Variants in SAMD3 observed in about 807,000 individuals in gnomAD.
SAMD3 encodes the protein sterile alpha motif domain containing 3, also known as sterile alpha motif domain-containing protein 3.
A neutral mutation model predicts 58.5 loss-of-function variants in SAMD3; 63 were observed. The ratio of observed to expected loss-of-function variants is 1.08; its 90% CI spans 0.88 to 1.33. The LOEUF is 1.33. Ranked by LOEUF, SAMD3 falls within the 40% of genes most tolerant of loss-of-function variation. SAMD3 has a pLI of 0.00. For synonymous variants in SAMD3, 220 were observed against 210.3 expected (o/e 1.05, Z -0.40); for missense variants, 604 against 608.4 (o/e 0.99, Z 0.08).
chr6:130,312,191 C>G (rs2114989707), intron 2 of SAMD3, among the ~76,000 whole-genome samples: 1 of 152,304 alleles, frequency 6.6e-6, no homozygotes, highest in Admixed American at 6.5e-5. Flanking sequence ...TTGGACTGGA[C>G]ACATTTCATG....
intron 1 of SAMD3, among the ~76,000 whole-genome samples, chr6:130,319,989 A>AACACACACAAACATGCAC (rs1776531051): frequency 1.3e-5 from 2 of 151,940 alleles, no homozygotes; most frequent in Admixed American, 1.3e-4. Flanking sequence ...GAAAAAAATA[A>AACACACACAAACATGCAC]ACACACACAC....
chr6:130,144,863 C>A, intron 11 of SAMD3, 59 bp from the exon 12 acceptor site: 1 of 1,420,360 alleles, frequency 7.0e-7, no homozygotes, highest in South Asian at 1.3e-5. Context: ...AATAAAACAT[C>A]TGAACTTAAT....
At chr6:130,356,715 T>C (rs1464616194) in intron 1 of SAMD3, among the ~76,000 whole-genome samples, 1 of 151,958 alleles carries the variant, frequency 6.6e-6, no homozygotes, top group East Asian at 1.9e-4. Flanking sequence ...CTAGTTTTCC[T>C]TTTTTCTCTG....
chr6:130,167,686 G>C (rs952722964), intron 8 of SAMD3, among the ~76,000 whole-genome samples: 1 of 152,118 alleles, frequency 6.6e-6, no homozygotes, highest in Non-Finnish European at 1.5e-5. Context: ...CAATTCATGG[G>C]GCTATACGCT....
intron 5 of SAMD3, among the ~76,000 whole-genome samples, chr6:130,190,829 T>C (rs1267701021): frequency 2.0e-5 from 3 of 152,050 alleles, no homozygotes. Context: ...CAGGTAGAGC[T>C]GGCCAATGGC....
At chr6:130,312,441 C>G (rs1776207225) in intron 2 of SAMD3, among the ~76,000 whole-genome samples, 1 of 152,172 alleles carries the variant, frequency 6.6e-6, no homozygotes, top group Non-Finnish European at 1.5e-5. Context: ...TGTCCCTTAC[C>G]CTTAGAGTCC....
intron 2 of SAMD3, among the ~76,000 whole-genome samples, chr6:130,283,083 G>A (rs1775035642): frequency 6.6e-6 from 1 of 151,910 alleles, no homozygotes; most frequent in Admixed American, 6.6e-5. Context: ...ACAAAAAACG[G>A]CACATTTGAA....
chr6:130,300,986 C>G (rs1429489885), intron 2 of SAMD3, among the ~76,000 whole-genome samples: 1 of 152,080 alleles, frequency 6.6e-6, no homozygotes, highest in African/African-American at 2.4e-5. Context: ...CCACCTCCAA[C>G]CAGCCCCGGT....
intron 2 of SAMD3, among the ~76,000 whole-genome samples, chr6:130,274,060 T>C (rs1158329925): frequency 2.0e-5 from 3 of 152,220 alleles, no homozygotes; most frequent in African/African-American, 7.2e-5. Context: ...TTAGAATTTT[T>C]ATAAAGCAGT....
At chr6:130,168,839 G>C (rs1220108654) in intron 8 of SAMD3, among the ~76,000 whole-genome samples, 1 of 152,096 alleles carries the variant, frequency 6.6e-6, no homozygotes, top group African/African-American at 2.4e-5. Flanking sequence ...GTCTGGCTCT[G>C]TCACCCAGGC....
chr6:130,145,071 C>T lies in SAMD3; in HGVS notation c.1279-267G>A, dbSNP rs571483201. Among the ~76,000 whole-genome samples the T allele has an allele frequency of 3.7e-4, 56 of 152,196 alleles. 1 individual carries two copies. In the South Asian group the frequency reaches 0.011, roughly 31 times the overall value. On this transcript the variant is annotated intron_variant, in intron 11 of 11. Transcript: ENST00000439090. ...GGTCAGGAGTTCCAGACCAGCCTGA[C>T]CAACACCGTGAAACCCCGTCTCTAC...
chr6:130,175,513 G>A (rs1292980640), intron 8 of SAMD3, among the ~76,000 whole-genome samples: 1 of 151,900 alleles, frequency 6.6e-6, no homozygotes, highest in Non-Finnish European at 1.5e-5. Flanking sequence ...GTAGCAATAA[G>A]AGCATCAAGA....
chr6:130,306,606 T>A (rs142097733), intron 2 of SAMD3, among the ~76,000 whole-genome samples: 1 of 152,308 alleles, frequency 6.6e-6, no homozygotes, highest in East Asian at 1.9e-4. Flanking sequence ...CAGTCTCTTG[T>A]CAGTGCCTCA....
chr6:130,365,493 C>G, upstream of SAMD3: 1 of 985,528 alleles, frequency 1.0e-6, no homozygotes, highest in African/African-American at 1.7e-5. Flanking sequence ...GCCCGCCGGG[C>G]GGCATCTGAG....
At chr6:130,204,888 G>T (rs535927674) in intron 5 of SAMD3, among the ~76,000 whole-genome samples, 1 of 151,718 alleles carries the variant, frequency 6.6e-6, no homozygotes, top group South Asian at 2.1e-4. Flanking sequence ...GGTAACAGCT[G>T]CCAGGTGCTT....
chr6:130,288,975 G>A lies in SAMD3; in HGVS notation c.-188+24003C>T, dbSNP rs985399557. Among the ~76,000 whole-genome samples, 43 of 152,094 alleles carry A rather than the reference G, an allele frequency of 2.8e-4. 1 individual carries two copies. Among genetic ancestry groups the A allele is most frequent in the Admixed American group, 2.4e-3 (36 of 15,276 alleles). The stretch of plus-strand genomic sequence containing the variant: ...ATCACCCTTTGGTTAACTTCTATGC[G>A]CCCTTCTATAATCTCTTATTTCATG... On this transcript the variant is annotated intron_variant, in intron 2 of 13. Coordinates refer to the SAMD3 transcript ENST00000368134.
intron 1 of SAMD3, among the ~76,000 whole-genome samples, chr6:130,357,675 C>T (rs1175016290): frequency 6.6e-6 from 1 of 152,160 alleles, no homozygotes; most frequent in Non-Finnish European, 1.5e-5. Context: ...GTTAAACTCT[C>T]GGAGCTCCAA....
chr6:130,192,678 T>C (rs976617299), intron 5 of SAMD3, among the ~76,000 whole-genome samples: 1 of 152,334 alleles, frequency 6.6e-6, no homozygotes, highest in East Asian at 1.9e-4. Flanking sequence ...ACACAAAGCC[T>C]GTTTGGTGGT....
intron 2 of SAMD3, among the ~76,000 whole-genome samples, chr6:130,270,997 G>GT (rs752880656): frequency 1.4e-3 from 81 of 57,052 alleles, no homozygotes; most frequent in East Asian, 5.6e-3. Context: ...TGTTTTTTTT[G>GT]TTTTTTTTTG....
Sources: gnomAD v4.1 joint callset for allele counts (sites outside exome capture counted in the v4.1 genomes callset) on GRCh38, gnomAD v4.1.1 for gene constraint, MANE v1.5 for transcripts, NCBI Gene and HGNC (gene_info 2026-07-23, HGNC 2026-07-21) for gene names.